PDE9A: variants seen among roughly 807,000 people sequenced by gnomAD.
PDE9A encodes the protein high affinity cGMP-specific 3',5'-cyclic phosphodiesterase 9A.
In PDE9A, 60 loss-of-function variants were observed where a neutral mutation model predicts 87.4. That is an observed-to-expected ratio of 0.69 (90% CI 0.56 to 0.85). PDE9A has a LOEUF of 0.85. Ranked by LOEUF, PDE9A falls within the 40% of genes least tolerant of loss-of-function variation. The pLI, the probability that PDE9A is intolerant of heterozygous loss-of-function variation, is 0.00. For missense variants in PDE9A, 665 were observed against 779.0 expected (o/e 0.85, Z 1.74); for synonymous variants, 272 against 279.4 (o/e 0.97, Z 0.27).
intron 4 of PDE9A, among the ~76,000 whole-genome samples, chr21:42,725,104 G>A (rs551295806): frequency 1.8e-4 from 28 of 152,254 alleles, no homozygotes; most frequent in African/African-American, 6.3e-4. Flanking sequence ...ACCGTGACAC[G>A]GTCCAGATCC....
At chr21:42,703,422 G>A (rs946544210) in intron 4 of PDE9A, among the ~76,000 whole-genome samples, 1 of 152,258 alleles carries the variant, frequency 6.6e-6, no homozygotes, top group South Asian at 2.1e-4. Context: ...ACCATCGGGA[G>A]CAGAGGGGAA....
chr21:42,724,275 C>T (rs1057421017), intron 4 of PDE9A, among the ~76,000 whole-genome samples: 3 of 152,184 alleles, frequency 2.0e-5, no homozygotes, highest in Non-Finnish European at 4.4e-5. Flanking sequence ...AGTGGGCATC[C>T]GTGATGCGGA....
At position 42,765,471 on chromosome 21, in the gene PDE9A, A is replaced by T. The variant is rs1671684468; in HGVS notation, c.1333A>T (p.Ser445Cys). The T allele has an allele frequency of 6.2e-7, 1 of 1,606,694 alleles. No individual in the cohort carries two copies. Among genetic ancestry groups the T allele is most frequent in the South Asian group, 1.1e-5 (1 of 90,840 alleles). ...FKEKMENFDY[S>C]NEEHMTLLKM... ...AGAGAAAATGGAGAATTTTGACTAC[A>T]GCAACGAGGAGCACATGACCCTGGT... is the stretch of plus-strand genomic sequence containing the variant. The change falls in exon 15 of 20, where the codon AGC (serine) becomes TGC (cysteine). Residue 445 changes from serine (S) to cysteine (C), a missense_variant. By Grantham distance (112) the Ser-to-Cys change is moderately radical. Transcript: ENST00000291539.
Position 42,760,780 on chromosome 21 carries a change from T to G in PDE9A, c.1003-45T>G. 5 of 891,576 alleles carry G rather than the reference T, an allele frequency of 5.6e-6. No individual in the cohort carries two copies. Among genetic ancestry groups the G allele is most frequent in the Non-Finnish European group, 9.2e-6 (5 of 546,022 alleles). The allele number at this position is 891,576 out of a possible 1,614,324, so 55.2% of individuals were successfully genotyped here. A position where few individuals can be genotyped will look rare whatever the true frequency, so the allele number is the denominator to read the frequency against. On this transcript the variant is annotated intron_variant, in intron 12 of 19. Transcript: ENST00000291539. The surrounding 1 kb of genome is among the most constrained non-coding windows in gnomAD (Gnocchi z 5.2). ...CACCCCCCCTCACCCCATCCCACCC[T>G]CCGAGTGAAGAGAGCAAACACCTAC...
At chr21:42,756,346 C>G (rs780583389) in intron 10 of PDE9A, among the ~76,000 whole-genome samples, 1 of 152,236 alleles carries the variant, frequency 6.6e-6, no homozygotes, top group African/African-American at 2.4e-5. Flanking sequence ...ACAGCCCACT[C>G]GGCCCCACAA....
rs1027363138 is a variant in PDE9A at position 42,759,416 on chromosome 21, AGAGT to A, written c.897+336_897+339del. Among the ~76,000 whole-genome samples the A allele has an allele frequency of 1.2e-4, 17 of 145,386 alleles. No homozygotes were observed. In the South Asian group the frequency reaches 1.8e-3, roughly 15 times the overall value. On this transcript the variant is annotated intron_variant, in intron 11 of 19. Transcript: ENST00000291539. The surrounding 1 kb of genome is among the most constrained non-coding windows in gnomAD (Gnocchi z 7.2). The stretch of plus-strand genomic sequence containing the variant: ...GTGTGTGGGAGCGTGTGTGTGTGTG[AGAGT>A]GAGTATGGGGGTGTGGATGTGAGTG...
chr21:42,744,239 G>A (rs2053609482), intron 8 of PDE9A, among the ~76,000 whole-genome samples: 1 of 152,144 alleles, frequency 6.6e-6, no homozygotes, highest in Non-Finnish European at 1.5e-5. Flanking sequence ...TGTAACCCCA[G>A]CTACTTGGGA....
chr21:42,669,265 T>A (rs1333729856), intron 1 of PDE9A, among the ~76,000 whole-genome samples: 4 of 152,124 alleles, frequency 2.6e-5, no homozygotes, highest in Non-Finnish European at 5.9e-5. Flanking sequence ...GGAGATTCCC[T>A]TCCTTGCCTC....
intron 1 of PDE9A, among the ~76,000 whole-genome samples, chr21:42,668,202 G>T (rs2058137752): frequency 6.6e-6 from 1 of 152,130 alleles, no homozygotes; most frequent in Non-Finnish European, 1.5e-5. Flanking sequence ...CTCCAGAGGG[G>T]CTGCCGCCTG....
At chr21:42,731,114 T>C (rs552830265) in intron 4 of PDE9A, among the ~76,000 whole-genome samples, 2 of 152,298 alleles carry the variant, frequency 1.3e-5, no homozygotes, top group Admixed American at 6.5e-5. Context: ...TGCACCACCA[T>C]GCCTGGCTAA....
chr21:42,665,354 G>T (rs997552571), intron 1 of PDE9A, among the ~76,000 whole-genome samples: 22 of 152,304 alleles, frequency 1.4e-4, no homozygotes, highest in African/African-American at 5.3e-4. Context: ...CACTCAGGGG[G>T]TTGCCTTGTC....
chr21:42,709,687 G>GTT (rs2049136958), intron 4 of PDE9A, among the ~76,000 whole-genome samples: 3 of 152,138 alleles, frequency 2.0e-5, no homozygotes, highest in Non-Finnish European at 2.9e-5. Context: ...TTGTGTGTGT[G>GTT]TGCGTTTGTT....
intron 4 of PDE9A, among the ~76,000 whole-genome samples, chr21:42,731,288 T>C (rs1013721169): frequency 2.6e-5 from 4 of 152,168 alleles, no homozygotes; most frequent in African/African-American, 7.2e-5. Context: ...TTGTTTATAG[T>C]GGAGGGTTAG....
intron 10 of PDE9A, chr21:42,756,716 C>T (rs1223738102): frequency 6.6e-6 from 1 of 152,654 alleles, no homozygotes; most frequent in Non-Finnish European, 1.5e-5. Flanking sequence ...CTGCAGGAGC[C>T]TCCCCCGTCA....
intron 4 of PDE9A, among the ~76,000 whole-genome samples, chr21:42,719,082 C>T (rs928961473): frequency 9.9e-5 from 15 of 151,770 alleles, no homozygotes; most frequent in Admixed American, 9.9e-4. Context: ...CAAACTTTGT[C>T]TCCTCCACAG....
intron 4 of PDE9A, among the ~76,000 whole-genome samples, chr21:42,729,332 T>A (rs1417131170): frequency 3.3e-5 from 5 of 152,210 alleles, no homozygotes; most frequent in Non-Finnish European, 5.9e-5. Context: ...GGGTCTGTAG[T>A]GATGTTCCCT....
At chr21:42,657,913 G>A (rs1048431852) in intron 1 of PDE9A, among the ~76,000 whole-genome samples, 27 of 152,362 alleles carry the variant, frequency 1.8e-4, no homozygotes, top group African/African-American at 4.1e-4. Context: ...ATCGGTGGCC[G>A]CTTGAGTTTG....
intron 4 of PDE9A, among the ~76,000 whole-genome samples, chr21:42,707,916 G>A (rs972982803): frequency 3.3e-5 from 5 of 152,164 alleles, no homozygotes; most frequent in Admixed American, 2.6e-4. Flanking sequence ...GACTTAGGGG[G>A]CATTTTTGAA....
At chr21:42,714,777 T>C (rs971552465) in intron 4 of PDE9A, among the ~76,000 whole-genome samples, 1 of 131,410 alleles carries the variant, frequency 7.6e-6, no homozygotes, top group African/African-American at 2.7e-5. Flanking sequence ...CCAGTCTTTG[T>C]TGATATGGTT....
Sources: allele counts gnomAD v4.1 joint callset (sites outside exome capture counted in the v4.1 genomes callset), GRCh38; gene constraint gnomAD v4.1.1; non-coding constraint Gnocchi (gnomAD v3.1); transcripts MANE v1.5; gene names NCBI Gene and HGNC (gene_info 2026-07-23, HGNC 2026-07-21).